TANC2: variants seen among roughly 807,000 people sequenced by gnomAD.
The protein encoded by TANC2 is protein TANC2.
Under a neutral mutation model 210.5 loss-of-function variants are expected in TANC2, and 26 were observed. The ratio of observed to expected loss-of-function variants is 0.12; its 90% CI spans 0.09 to 0.17. The LOEUF is 0.17. Ranked by LOEUF, TANC2 falls within the 10% of genes least tolerant of loss-of-function variation. The pLI is 1.00. For synonymous variants in TANC2, 931 were observed against 967.1 expected, an observed-to-expected ratio of 0.96 and a Z score of 0.69; for missense variants, 2,129 against 2,608.9, an observed-to-expected ratio of 0.82 and a Z score of 4.01.
At chr17:63,229,770 ATTT>A (rs200009079) in intron 7 of TANC2, among the ~76,000 whole-genome samples, 10 of 130,576 alleles carry the variant, frequency 7.7e-5, no homozygotes, top group African/African-American at 1.1e-4. Context: ...GATTGTTTGT[ATTT>A]TTTTTTTTTT....
At chr17:63,255,059 T>TTGTA (rs931955646) in intron 8 of TANC2, among the ~76,000 whole-genome samples, 1 of 144,544 alleles carries the variant, frequency 6.9e-6, no homozygotes, top group Non-Finnish European at 1.5e-5. Flanking sequence ...AATAGTTATT[T>TTGTA]TTTATTTATT....
intron 2 of TANC2, among the ~76,000 whole-genome samples, chr17:63,043,954 T>G (rs1296228147): frequency 6.6e-6 from 1 of 152,180 alleles, no homozygotes; most frequent in Admixed American, 6.5e-5. Flanking sequence ...AAAACTTCTG[T>G]GTATTTCTGA....
At chr17:63,170,002 C>A (rs987258989) in intron 5 of TANC2, among the ~76,000 whole-genome samples, 13 of 151,404 alleles carry the variant, frequency 8.6e-5, no homozygotes, top group Non-Finnish European at 1.0e-4. Context: ...GCCTGTAGTC[C>A]CAGCTACTCG....
chr17:63,046,425 G>A (rs961344466), intron 2 of TANC2, among the ~76,000 whole-genome samples: 1 of 136,504 alleles, frequency 7.3e-6, no homozygotes, highest in African/African-American at 2.8e-5. Context: ...TCCACCTCCC[G>A]GATTCAAGTG....
At chr17:63,388,782 T>C in intron 16 of TANC2, 25 bp downstream of exon 16, 1 of 1,477,820 alleles carries the variant, frequency 6.8e-7, no homozygotes, top group Non-Finnish European at 9.1e-7. Context: ...AAATTATAAA[T>C]ATGATAAGGA....
intron 1 of TANC2, among the ~76,000 whole-genome samples, chr17:62,986,394 A>G (rs2032567324): frequency 6.6e-6 from 1 of 152,190 alleles, no homozygotes; most frequent in Non-Finnish European, 1.5e-5. Flanking sequence ...CCAGGATGCA[A>G]GCACACACCT....
intron 2 of TANC2, among the ~76,000 whole-genome samples, chr17:63,023,933 T>G (rs1289909795): frequency 6.6e-6 from 1 of 152,236 alleles, no homozygotes; most frequent in African/African-American, 2.4e-5. Context: ...GTAATAGTGC[T>G]TCTCATCAGA....
At chr17:62,984,450 C>T (rs1039031375) in intron 1 of TANC2, among the ~76,000 whole-genome samples, 1 of 151,276 alleles carries the variant, frequency 6.6e-6, no homozygotes, top group East Asian at 1.9e-4. Flanking sequence ...TTTTTTGTCT[C>T]TCAACTTCAT....
At chr17:62,989,346 A>G (rs1187531039) in intron 1 of TANC2, among the ~76,000 whole-genome samples, 1 of 152,262 alleles carries the variant, frequency 6.6e-6, no homozygotes, top group Non-Finnish European at 1.5e-5. Flanking sequence ...GTATTCATGC[A>G]GTAGAGAAGT....
intron 11 of TANC2, among the ~76,000 whole-genome samples, chr17:63,339,325 C>T (rs566388431): frequency 1.3e-5 from 2 of 152,184 alleles, no homozygotes; most frequent in Admixed American, 6.5e-5. Context: ...TTGTACTTGC[C>T]GTGGAGGCAA....
intron 3 of TANC2, among the ~76,000 whole-genome samples, chr17:63,081,842 A>C (rs2036783523): frequency 6.6e-6 from 1 of 152,160 alleles, no homozygotes; most frequent in Non-Finnish European, 1.5e-5. Context: ...CACCTTTATG[A>C]TAGAAAAGGA....
At chr17:63,213,091 A>G (rs995361795) in intron 7 of TANC2, among the ~76,000 whole-genome samples, 6 of 152,236 alleles carry the variant, frequency 3.9e-5, no homozygotes, top group Non-Finnish European at 7.3e-5. Context: ...TATAAAGTCT[A>G]TGAAATATTG....
chr17:62,988,674 G>A (rs2143539486), intron 1 of TANC2, among the ~76,000 whole-genome samples: 1 of 152,304 alleles, frequency 6.6e-6, no homozygotes, highest in Non-Finnish European at 1.5e-5. Context: ...CAGGAATTTG[G>A]AAGAGAATAA....
At chr17:63,377,036 C>G (rs9891377) in intron 14 of TANC2, among the ~76,000 whole-genome samples, 1 of 152,118 alleles carries the variant, frequency 6.6e-6, no homozygotes, top group African/African-American at 2.4e-5. Context: ...TCTGAAGCAA[C>G]GACCTGAGCT....
intron 2 of TANC2, among the ~76,000 whole-genome samples, chr17:63,058,750 C>T (rs189274466): frequency 6.6e-6 from 1 of 152,094 alleles, no homozygotes; most frequent in African/African-American, 2.4e-5. Flanking sequence ...GGCCTTATTT[C>T]TGGGTTCTCT....
At chr17:63,125,461 T>G (rs1203741564) in intron 4 of TANC2, among the ~76,000 whole-genome samples, 1 of 152,208 alleles carries the variant, frequency 6.6e-6, no homozygotes, top group Non-Finnish European at 1.5e-5. Context: ...AGGCTGAGTT[T>G]TTTAAGTGAG....
At chr17:63,118,749 A>G (rs2038346129) in intron 4 of TANC2, among the ~76,000 whole-genome samples, 1 of 150,072 alleles carries the variant, frequency 6.7e-6, no homozygotes, top group Non-Finnish European at 1.5e-5. Context: ...AGCTTGGACT[A>G]CAGGCATGTG....
chr17:63,192,865 A>G (rs1307916667), intron 5 of TANC2, among the ~76,000 whole-genome samples: 3 of 152,324 alleles, frequency 2.0e-5, no homozygotes, highest in African/African-American at 7.2e-5. Flanking sequence ...AAACTTTTCA[A>G]AGTCAATGAC....
rs771894795 is a variant in TANC2, at chr17:63,418,309, T to C, written c.4170T>C (p.Asp1390=). The change falls in exon 27 of 28, where the codon GAT becomes GAC. Residue 1390 remains aspartate (D), a splice_region_variant and synonymous_variant. Transcript: ENST00000689528. This position sits in a 1 kb window ranked among gnomAD's most constrained non-coding sequence, Gnocchi z 4.6. ...TTGCACACCTATTGTAATGACAGGA[T>C]TTTGGAATGGCGGAGGAATTTGCTA... 1 of 1,612,828 alleles carries C rather than the reference T, an allele frequency of 6.2e-7. No homozygotes were observed.
Sources: gnomAD v4.1 joint callset for allele counts (sites outside exome capture counted in the v4.1 genomes callset) on GRCh38, gnomAD v4.1.1 for gene constraint, Gnocchi (gnomAD v3.1) non-coding constraint, MANE v1.5 for transcripts, NCBI Gene and HGNC (gene_info 2026-07-23, HGNC 2026-07-21) for gene names.